Variants in LRRFIP1 observed in about 807,000 individuals in gnomAD.
LRRFIP1 encodes the protein leucine-rich repeat flightless-interacting protein 1.
LRRFIP1 carries 62 observed loss-of-function variants against 104.4 expected under a neutral mutation model. The observed-to-expected ratio is 0.59, with a 90% CI of 0.48 to 0.73. LRRFIP1 has a LOEUF of 0.73. LRRFIP1 is among the 30% of genes least tolerant of loss of function. The probability of loss-of-function intolerance (pLI) is 0.00; values close to 1 mark genes in which losing one functional copy is unlikely to be tolerated. For missense variants in LRRFIP1, 796 were observed against 824.5 expected (o/e 0.97, Z 0.42); for synonymous variants, 300 against 299.0 (o/e 1.00, Z -0.03).
intron 1 of LRRFIP1, among the ~76,000 whole-genome samples, chr2:237,659,780 G>A (rs1016845458): frequency 2.6e-5 from 4 of 151,896 alleles, no homozygotes; most frequent in African/African-American, 9.7e-5. Flanking sequence ...AGCTGGGACT[G>A]CAGGCATGTG....
chr2:237,679,819 G>T (rs1176908737), intron 1 of LRRFIP1, among the ~76,000 whole-genome samples: 2 of 152,122 alleles, frequency 1.3e-5, no homozygotes, highest in South Asian at 4.1e-4. Context: ...TGTTGGTCAG[G>T]CTGGTCTCAA....
chr2:237,757,514 A>G lies in LRRFIP1; in HGVS notation c.1190A>G (p.Gln397Arg). 6.3e-7 allele frequency: 1 copy of G among 1,591,502 alleles called. No homozygotes were observed. Among genetic ancestry groups the G allele is most frequent in the East Asian group, 2.3e-5 (1 of 44,124 alleles). The stretch of plus-strand genomic sequence containing the variant: ...TCTATCAGGGAGATTTCTGATCTTC[A>G]GGAAACAATAGAGTGGAAAGACAAA... ...ASSIREISDL[Q>R]ETIEWKDKKI... is the part of the protein sequence containing the mutation. The change falls in exon 17 of 24, where the codon CAG (glutamine) becomes CGG (arginine). Residue 397 changes from glutamine (Q) to arginine (R), a missense_variant. By Grantham distance (43) the Gln-to-Arg change is conservative (BLOSUM62 1). Coordinates refer to ENST00000308482, the MANE Select transcript of LRRFIP1 (RefSeq NM_001137550.2).
chr2:237,700,311 C>T (rs2093443528), intron 1 of LRRFIP1, among the ~76,000 whole-genome samples: 1 of 152,182 alleles, frequency 6.6e-6, no homozygotes. Context: ...GGGGAAGAAT[C>T]GCACAAGGAC....
At chr2:237,724,173 T>G (rs1259798572) in intron 7 of LRRFIP1, among the ~76,000 whole-genome samples, 1 of 152,174 alleles carries the variant, frequency 6.6e-6, no homozygotes, top group East Asian at 1.9e-4. Flanking sequence ...TTTCTGTGCC[T>G]TATGCTTTCT....
At chr2:237,627,778 G>A (rs1167166508) in intron 1 of LRRFIP1, 38 bp downstream of exon 1, 1 of 1,169,258 alleles carries the variant, frequency 8.6e-7, no homozygotes, top group Admixed American at 4.5e-5. Flanking sequence ...GGCGCCGGGC[G>A]GGCGCGGGGG....
At chr2:237,749,108 G>A (rs894920386) in intron 12 of LRRFIP1, 91 bp from the exon 13 acceptor site, 3 of 1,393,656 alleles carry the variant, frequency 2.2e-6, no homozygotes, top group East Asian at 2.5e-5. Flanking sequence ...CCCTCATCTT[G>A]TGGGGATTAT....
At chr2:237,640,437 G>T (rs781652224) in intron 1 of LRRFIP1, among the ~76,000 whole-genome samples, 6 of 152,076 alleles carry the variant, frequency 3.9e-5, no homozygotes, top group Non-Finnish European at 7.4e-5. Context: ...TGCATCTTCA[G>T]ATTACTCAAA....
intron 1 of LRRFIP1, among the ~76,000 whole-genome samples, chr2:237,667,762 G>A (rs1182928334): frequency 6.6e-6 from 1 of 152,142 alleles, no homozygotes; most frequent in Non-Finnish European, 1.5e-5. Flanking sequence ...ATCCTGACGT[G>A]AAATGGCCTA....
At chr2:237,734,941 A>G (rs1429339528) in intron 9 of LRRFIP1, among the ~76,000 whole-genome samples, 1 of 152,192 alleles carries the variant, frequency 6.6e-6, no homozygotes, top group East Asian at 1.9e-4. Flanking sequence ...AAAATTCAGG[A>G]TGTTCGAATT....
intron 1 of LRRFIP1, among the ~76,000 whole-genome samples, chr2:237,684,841 C>G (rs1048393846): frequency 2.0e-5 from 3 of 151,596 alleles, no homozygotes; most frequent in Non-Finnish European, 4.4e-5. Context: ...AATTCCAACA[C>G]TTTGGGAGGC....
At chr2:237,651,963 C>T (rs1176973072) in intron 1 of LRRFIP1, among the ~76,000 whole-genome samples, 5 of 152,216 alleles carry the variant, frequency 3.3e-5, no homozygotes, top group African/African-American at 4.8e-5. Flanking sequence ...GCAGCTCCAG[C>T]GTCTCCACCA....
Position 237,691,688 on chromosome 2 carries a change from C to T in LRRFIP1, c.97-16856C>T, listed in dbSNP as rs900890723. On this transcript the variant is annotated intron_variant, in intron 1 of 23. Coordinates refer to ENST00000308482, the MANE Select transcript of LRRFIP1 (RefSeq NM_001137550.2). The surrounding 1 kb of genome is among the most constrained non-coding windows in gnomAD (Gnocchi z 5.4). ...TACCCTCGCCCAGCCCCGGGCAGGT[C>T]CCCCCCCGGAGGGGACCCCCTCTTC... 1.3e-5 allele frequency among the ~76,000 whole-genome samples: 2 copies of T among 148,348 alleles called. No individual in the cohort carries two copies. The highest frequency in any genetic ancestry group is 1.9e-4 in the East Asian group (1 of 5,152).
chr2:237,762,488 A>AC (rs1469376498), intron 19 of LRRFIP1: 1 of 803,122 alleles, frequency 1.2e-6, no homozygotes, highest in African/African-American at 1.7e-5. Context: ...CTCTTTGATG[A>AC]CTCTGTCTTT....
chr2:237,765,460 A>G, intron 19 of LRRFIP1: 1 of 773,832 alleles, frequency 1.3e-6, no homozygotes, highest in Non-Finnish European at 1.6e-6. Context: ...AAAAAAAAAA[A>G]GTTTTTGAAC....
chr2:237,720,927 G>C lies in LRRFIP1; in HGVS notation c.345+105G>C, dbSNP rs958401658. 7.1e-6 allele frequency: 7 copies of C among 984,336 alleles called. No individual in the cohort carries two copies. The African/African-American group carries it at 1.1e-4, about 16-fold the overall frequency. The allele number at this position is 984,336 out of a possible 1,614,324, so 61.0% of individuals were successfully genotyped here. A position where few individuals can be genotyped will look rare whatever the true frequency, so the allele number is the denominator to read the frequency against. ...TTCTTCTTCATTATCCCCGTGGTCT[G>C]ATAGTCAATATTTAACCGATGAGAT... On this transcript the variant is annotated intron_variant, in intron 6 of 23. Coordinates refer to ENST00000308482, the MANE Select transcript of LRRFIP1 (RefSeq NM_001137550.2).
chr2:237,735,158 G>C lies in LRRFIP1; in HGVS notation c.490-110G>C. The C allele has an allele frequency of 1.2e-6, 1 of 808,054 alleles. No individual in the cohort carries two copies. The highest frequency in any genetic ancestry group is 2.0e-6 in the Non-Finnish European group (1 of 505,314). 50.1% of individuals were successfully genotyped at this position (808,054 alleles called of 1,614,324 possible). ...TCAGCCTCCCCTGCATGCTTTTTCA[G>C]GTCATGCTCCTGGCACGTGTCAGTT... On this transcript the variant is annotated intron_variant, in intron 9 of 23. Coordinates refer to ENST00000308482, the MANE Select transcript of LRRFIP1 (RefSeq NM_001137550.2). This position sits in a 1 kb window ranked among gnomAD's most constrained non-coding sequence, Gnocchi z 4.6.
chr2:237,746,076 T>G (rs1050116319), intron 11 of LRRFIP1, among the ~76,000 whole-genome samples: 1 of 146,170 alleles, frequency 6.8e-6, no homozygotes, highest in East Asian at 1.9e-4. Context: ...TTTTTTTTTT[T>G]GAGACAGAGT....
At position 237,772,189 on chromosome 2, in the gene LRRFIP1, G is replaced by A; in HGVS notation, c.1618G>A (p.Asp540Asn). Residue 540 changes from aspartate (D) to asparagine (N), a missense_variant, in exon 21 of 24, where the codon GAC (aspartate) becomes AAC (asparagine). Physicochemically the swap from Asp to Asn is conservative, Grantham distance 23. Transcript: ENST00000308482. The stretch of plus-strand genomic sequence containing the variant: ...AAACGGGACAGACATGCATGTAATG[G>A]ACCTACAAAGTAAATGTCAATTCTT... ...LENGTDMHVM[D>N]LQRDANRQIS... is the part of the protein sequence containing the mutation. The A allele has an allele frequency of 1.9e-6, 3 of 1,610,362 alleles. No individual in the cohort carries two copies. Among genetic ancestry groups the A allele is most frequent in the Non-Finnish European group, 2.5e-6 (3 of 1,176,612 alleles).
intron 1 of LRRFIP1, among the ~76,000 whole-genome samples, chr2:237,680,735 G>C (rs1415982623): frequency 6.6e-6 from 1 of 152,182 alleles, no homozygotes; most frequent in Non-Finnish European, 1.5e-5. Context: ...TAATCCCAGC[G>C]CTTTGGGAGA....
Sources: gnomAD v4.1 joint callset for allele counts (sites outside exome capture counted in the v4.1 genomes callset) on GRCh38, gnomAD v4.1.1 for gene constraint, Gnocchi (gnomAD v3.1) non-coding constraint, MANE v1.5 for transcripts, NCBI Gene and HGNC (gene_info 2026-07-23, HGNC 2026-07-21) for gene names.